Variants in CNTNAP2 observed in about 807,000 individuals in gnomAD.
CNTNAP2 encodes contactin-associated protein-like 2.
A neutral mutation model predicts 155.2 loss-of-function variants in CNTNAP2; 98 were observed. That is an observed-to-expected ratio of 0.63 (90% confidence interval 0.54 to 0.75). The LOEUF (loss-of-function observed/expected upper bound fraction) is 0.75. Among genes scored for constraint, CNTNAP2 ranks in the 30% least tolerant of loss-of-function variants. The pLI, the probability that CNTNAP2 is intolerant of heterozygous loss-of-function variation, is 0.00. For synonymous variants in CNTNAP2, 651 were observed against 631.2 expected, an observed-to-expected ratio of 1.03 and a Z score of -0.47; for missense variants, 1,727 against 1,688.1, an observed-to-expected ratio of 1.02 and a Z score of -0.40.
At position 148,073,786 on chromosome 7, in the gene CNTNAP2, A is replaced by C. The variant is rs572264400; in HGVS notation, c.2384-44332A>C. Among the ~76,000 whole-genome samples, 452 of 152,152 alleles carry C rather than the reference A, an allele frequency of 3.0e-3. 1 individual carries two copies. Among genetic ancestry groups the C allele is most frequent in the Non-Finnish European group, 4.6e-3 (310 of 67,992 alleles). On this transcript the variant is annotated intron_variant, in intron 15 of 23. Transcript: ENST00000361727. ...CTTTTATGTGTTTTTTTTTTCAATAAATACAGCAGGCCCTCCATATCAATG... is the reference window on the plus strand; with the variant it reads ...CTTTTATGTGTTTTTTTTTTCAATACATACAGCAGGCCCTCCATATCAATG...
At chr7:148,394,365 G>A (rs188895292) in intron 22 of CNTNAP2, among the ~76,000 whole-genome samples, 1 of 152,178 alleles carries the variant, frequency 6.6e-6, no homozygotes, top group Non-Finnish European at 1.5e-5. Flanking sequence ...TTGATATGAT[G>A]CCTTGTGACA....
intron 9 of CNTNAP2, among the ~76,000 whole-genome samples, chr7:147,367,125 T>C (rs753942316): frequency 2.0e-5 from 3 of 152,158 alleles, no homozygotes; most frequent in Non-Finnish European, 4.4e-5. Context: ...AAAAGATAAT[T>C]TAACATGGTG....
intron 13 of CNTNAP2, among the ~76,000 whole-genome samples, chr7:147,900,128 C>T (rs955760487): frequency 1.3e-5 from 2 of 152,170 alleles, no homozygotes; most frequent in South Asian, 2.1e-4. Flanking sequence ...CCCCTCTGCT[C>T]TCTGGGAAAT....
intron 16 of CNTNAP2, among the ~76,000 whole-genome samples, chr7:148,142,148 C>T (rs1223243656): frequency 7.5e-6 from 1 of 133,384 alleles, no homozygotes; most frequent in South Asian, 2.4e-4. Flanking sequence ...TATAACAACC[C>T]AGTTGTAGAG....
chr7:146,907,765 A>T (rs1796170531), intron 3 of CNTNAP2, among the ~76,000 whole-genome samples: 1 of 151,198 alleles, frequency 6.6e-6, no homozygotes, highest in African/African-American at 2.4e-5. Context: ...TCACCAGCTA[A>T]CATCATAATG....
chr7:146,623,939 A>T (rs1215455985), intron 1 of CNTNAP2, among the ~76,000 whole-genome samples: 1 of 151,914 alleles, frequency 6.6e-6, no homozygotes, highest in Non-Finnish European at 1.5e-5. Flanking sequence ...AGTTTTGTGG[A>T]TGTTCGCCAT....
At chr7:146,838,778 CT>C (rs1286237319) in intron 2 of CNTNAP2, among the ~76,000 whole-genome samples, 1 of 152,092 alleles carries the variant, frequency 6.6e-6, no homozygotes, top group Non-Finnish European at 1.5e-5. Flanking sequence ...TTTTGCCAGC[CT>C]TTAAATTCCT....
chr7:148,387,150 C>A (rs1022245408), intron 22 of CNTNAP2, among the ~76,000 whole-genome samples: 2 of 152,194 alleles, frequency 1.3e-5, no homozygotes, highest in Non-Finnish European at 1.5e-5. Flanking sequence ...AAAGGAAGCA[C>A]CAAGAAGGCT....
intron 12 of CNTNAP2, among the ~76,000 whole-genome samples, chr7:147,582,908 C>G (rs10226112): frequency 0.69 from 104,952 of 151,958 alleles, 36,815 homozygotes; most frequent in African/African-American, 0.81. Context: ...ATCCCCAGAG[C>G]CTATTTAATC....
At chr7:147,616,070 C>T (rs1294633784) in intron 12 of CNTNAP2, among the ~76,000 whole-genome samples, 3 of 150,788 alleles carry the variant, frequency 2.0e-5, no homozygotes, top group African/African-American at 7.3e-5. Context: ...ATTTTTTTTT[C>T]CCCCTGATAG....
chr7:148,229,735 C>T lies in CNTNAP2; in HGVS notation c.3337C>T (p.His1113Tyr), dbSNP rs1300346365. 4 of 1,614,068 alleles carry T rather than the reference C, an allele frequency of 2.5e-6. No individual in the cohort carries two copies. Among genetic ancestry groups the T allele is most frequent in the Admixed American group, 1.7e-5 (1 of 60,000 alleles). The change falls in exon 20 of 24, where the codon CAC becomes TAC. Residue 1113 changes from histidine to tyrosine, a missense_variant. By Grantham distance (83) the His-to-Tyr change is moderately conservative. Transcript: ENST00000361727. ...DHRNMANGQPHSVNITRHEKT... is the reference protein window; with the variant it reads ...DHRNMANGQPYSVNITRHEKT... ...CAGGAACATGGCCAATGGACAGCCC[C>T]ACAGTGTCAACATCACCCGCCACGA...
intron 3 of CNTNAP2, among the ~76,000 whole-genome samples, chr7:146,867,801 G>A (rs1005544095): frequency 6.7e-6 from 1 of 148,296 alleles, no homozygotes; most frequent in African/African-American, 2.5e-5. Context: ...TCATATGCTC[G>A]TTGGCTGCAT....
chr7:147,773,862 A>C (rs1302923312), intron 13 of CNTNAP2, among the ~76,000 whole-genome samples: 1 of 152,180 alleles, frequency 6.6e-6, no homozygotes, highest in African/African-American at 2.4e-5. Context: ...TTAATAATCA[A>C]CCAGAACCTA....
chr7:147,017,874 T>C (rs1272758750), intron 3 of CNTNAP2, among the ~76,000 whole-genome samples: 1 of 152,182 alleles, frequency 6.6e-6, no homozygotes, highest in East Asian at 1.9e-4. Flanking sequence ...GAGATAAGGT[T>C]ACTTCAATTA....
chr7:147,075,387 C>T (rs1472285399), intron 4 of CNTNAP2, among the ~76,000 whole-genome samples: 1 of 151,992 alleles, frequency 6.6e-6, no homozygotes, highest in African/African-American at 2.4e-5. Context: ...TTAAGAAATC[C>T]CCATGGCTTG....
chr7:147,281,191 AATAATG>A (rs1329579271), intron 8 of CNTNAP2, among the ~76,000 whole-genome samples: 1 of 151,896 alleles, frequency 6.6e-6, no homozygotes, highest in Non-Finnish European at 1.5e-5. Flanking sequence ...GAACATTACA[AATAATG>A]ATAAGGACCA....
intron 1 of CNTNAP2, among the ~76,000 whole-genome samples, chr7:146,299,715 C>G (rs1410715871): frequency 2.6e-5 from 4 of 151,988 alleles, no homozygotes; most frequent in Non-Finnish European, 5.9e-5. Flanking sequence ...AACTTACAGC[C>G]TAGTATATTC....
chr7:146,714,233 C>T (rs1289909252), intron 1 of CNTNAP2, among the ~76,000 whole-genome samples: 1 of 152,174 alleles, frequency 6.6e-6, no homozygotes, highest in African/African-American at 2.4e-5. Flanking sequence ...TTTCACCATA[C>T]TGCACATCTG....
At chr7:146,622,279 C>CTATCTATCTA (rs1216256197) in intron 1 of CNTNAP2, among the ~76,000 whole-genome samples, 7 of 100,582 alleles carry the variant, frequency 7.0e-5, no homozygotes, top group South Asian at 2.9e-4. Context: ...ATCTATCTAT[C>CTATCTATCTA]TATATATATA....
Sources: gnomAD v4.1 joint callset for allele counts (sites outside exome capture counted in the v4.1 genomes callset) on GRCh38, gnomAD v4.1.1 for gene constraint, MANE v1.5 for transcripts, NCBI Gene and HGNC (gene_info 2026-07-23, HGNC 2026-07-21) for gene names.